RELN: variants seen among roughly 807,000 people sequenced by gnomAD.
RELN encodes the protein reelin.
RELN carries 108 observed loss-of-function variants against 427.6 expected under a neutral mutation model. That is an observed-to-expected ratio of 0.25 (90% confidence interval 0.22 to 0.30). The LOEUF is 0.30. Ranked by LOEUF, RELN falls within the 10% of genes least tolerant of loss-of-function variation. The pLI, the probability that RELN is intolerant of heterozygous loss-of-function variation, is 1.00. For missense variants in RELN, 3,715 were observed against 4,302.8 expected, an observed-to-expected ratio of 0.86 and a Z score of 3.82; for synonymous variants, 1,524 against 1,513.4, an observed-to-expected ratio of 1.01 and a Z score of -0.16.
chr7:103,918,623 C>T (rs1421048607), intron 1 of RELN, among the ~76,000 whole-genome samples: 2 of 152,082 alleles, frequency 1.3e-5, no homozygotes, highest in Non-Finnish European at 2.9e-5. Flanking sequence ...TTATGGTACT[C>T]TTAGGTGCTC....
intron 12 of RELN, 151 bp downstream of exon 12, chr7:103,661,225 G>A (rs1026182957): frequency 1.4e-5 from 12 of 839,204 alleles, no homozygotes; most frequent in Non-Finnish European, 2.3e-5. Flanking sequence ...AAACACGGGG[G>A]AGTACCACAG....
rs1833461206 is a variant in RELN at position 103,674,277 on chromosome 7, T to C, written c.1289+7839A>G. 2.0e-5 allele frequency among the ~76,000 whole-genome samples: 3 copies of C among 152,226 alleles called. No homozygotes were observed. The South Asian group carries it at 6.2e-4, about 32-fold the overall frequency. On this transcript the variant is annotated intron_variant, in intron 11 of 64. Transcript: ENST00000428762. Reference sequence around the variant, plus strand: ...ATAAAATTTGTTCTAATTTCACAAATGCAGTGTACGCCCTTATCCTGTTGA... The same window carrying C: ...ATAAAATTTGTTCTAATTTCACAAACGCAGTGTACGCCCTTATCCTGTTGA...
rs362691 is a variant in RELN, at chr7:103,610,714, G to C, written c.2989C>G (p.Leu997Val). Residue 997 changes from leucine to valine, a missense_variant, in exon 22 of 65, where the codon CTT (leucine) becomes GTT (valine). By Grantham distance (32) the Leu-to-Val change is conservative (BLOSUM62 1). Transcript: ENST00000428762. ...TCTCACCAAGTTTTCTGGGGAAGAAGCACTATGACTCTCCTCCACTGTGTA... is the reference window on the plus strand; with the variant it reads ...TCTCACCAAGTTTTCTGGGGAAGAACCACTATGACTCTCCTCCACTGTGTA... ...EFTQWRRVIV[L>V]LPQKTWSSAT... is the part of the protein sequence containing the mutation. The C allele has an allele frequency of 0.11, 174,236 of 1,581,198 alleles. 10,098 individuals carry two copies. Among genetic ancestry groups the C allele is most frequent in the South Asian group, 0.16 (14,204 of 90,342 alleles).
intron 2 of RELN, among the ~76,000 whole-genome samples, chr7:103,877,823 CCTTCTT>C (rs934480973): frequency 1.3e-5 from 2 of 151,240 alleles, no homozygotes; most frequent in Non-Finnish European, 2.9e-5. Context: ...TCCTCCTCCT[CCTTCTT>C]CTTCTTCCTT....
At chr7:103,654,039 C>A (rs1832976206) in intron 13 of RELN, 54 bp downstream of exon 13, 1 of 998,690 alleles carries the variant, frequency 1.0e-6, no homozygotes. Context: ...TTGACTTGGG[C>A]TTGTCCAGGG....
intron 20 of RELN, among the ~76,000 whole-genome samples, chr7:103,624,163 A>G (rs1164028469): frequency 6.6e-6 from 1 of 152,152 alleles, no homozygotes; most frequent in African/African-American, 2.4e-5. Context: ...TAAAATATAC[A>G]AATAATTTTT....
intron 3 of RELN, among the ~76,000 whole-genome samples, chr7:103,807,082 T>C (rs1327272259): frequency 6.6e-6 from 1 of 152,074 alleles, no homozygotes; most frequent in African/African-American, 2.4e-5. Context: ...TGAGAGGAGG[T>C]ACCGGAGCTG....
chr7:103,977,305 T>G, intron 1 of RELN, among the ~76,000 whole-genome samples: 1 of 69,702 alleles, frequency 1.4e-5, no homozygotes, highest in African/African-American at 1.2e-4. Flanking sequence ...AGTGAGACTC[T>G]GTCTCAAAAA....
chr7:103,787,202 T>C (rs975077201), intron 3 of RELN, among the ~76,000 whole-genome samples: 2 of 151,948 alleles, frequency 1.3e-5, no homozygotes, highest in African/African-American at 4.8e-5. Context: ...AAAAGCAGTG[T>C]TTAGAGGGAA....
chr7:103,640,482 C>A lies in RELN; in HGVS notation c.2069+61G>T. On this transcript the variant is annotated intron_variant, in intron 17 of 64. Coordinates refer to ENST00000428762, the MANE Select transcript of RELN (RefSeq NM_005045.4). The surrounding 1 kb of genome is among the most constrained non-coding windows in gnomAD (Gnocchi z 4.1). The stretch of plus-strand genomic sequence containing the variant: ...AAAAAGGTTATTAAATGACTTGCGA[C>A]TTCAACACATACATTACACATCAAA... The A allele has an allele frequency of 6.5e-7, 1 of 1,547,710 alleles. No individual in the cohort carries two copies. Among genetic ancestry groups the A allele is most frequent in the South Asian group, 1.1e-5 (1 of 89,746 alleles).
intron 8 of RELN, among the ~76,000 whole-genome samples, chr7:103,722,921 G>A (rs1790113540): frequency 6.6e-6 from 1 of 152,114 alleles, no homozygotes; most frequent in African/African-American, 2.4e-5. Context: ...ATTATCTGCA[G>A]TATTTTTAAT....
intron 52 of RELN, 65 bp downstream of exon 52, chr7:103,502,951 C>T (rs1562856793): frequency 7.6e-7 from 1 of 1,311,504 alleles, no homozygotes; most frequent in East Asian, 2.3e-5. Flanking sequence ...GGCATGACAA[C>T]AGTGTACCTA....
At chr7:103,761,348 T>C (rs1791293710) in intron 4 of RELN, among the ~76,000 whole-genome samples, 1 of 152,220 alleles carries the variant, frequency 6.6e-6, no homozygotes, top group African/African-American at 2.4e-5. Context: ...TCTGGGGAGA[T>C]ATCCACACAT....
intron 4 of RELN, among the ~76,000 whole-genome samples, chr7:103,774,138 A>G (rs967681769): frequency 3.9e-5 from 6 of 152,004 alleles, no homozygotes; most frequent in African/African-American, 9.7e-5. Context: ...TCTACTAAAA[A>G]TACAAAAAAT....
chr7:103,679,138 G>C (rs10248558), intron 11 of RELN, among the ~76,000 whole-genome samples: 14 of 152,134 alleles, frequency 9.2e-5, no homozygotes, highest in South Asian at 2.1e-4. Context: ...TTGGGACCAG[G>C]GGGGAGGGCG....
At chr7:103,526,481 C>A (rs554309298) in intron 46 of RELN, among the ~76,000 whole-genome samples, 1 of 152,252 alleles carries the variant, frequency 6.6e-6, no homozygotes, top group Non-Finnish European at 1.5e-5. Context: ...ATTTTTAAGG[C>A]CCCTTCTTAG....
intron 6 of RELN, among the ~76,000 whole-genome samples, chr7:103,745,395 G>A (rs201844653): frequency 0.21 from 30,653 of 148,132 alleles, 4,229 homozygotes; most frequent in African/African-American, 0.39. Flanking sequence ...TATTCAACAT[G>A]GTGTTGGAAG....
At chr7:103,575,824 G>GA in intron 28 of RELN, 119 bp from the exon 29 acceptor site, 9 of 1,095,794 alleles carry the variant, frequency 8.2e-6, no homozygotes, top group East Asian at 2.4e-5. Flanking sequence ...AGTCATGTCT[G>GA]CTTGACTGCA....
At chr7:103,873,439 C>A (rs1251976896) in intron 2 of RELN, among the ~76,000 whole-genome samples, 85 of 119,106 alleles carry the variant, frequency 7.1e-4, no homozygotes, top group Non-Finnish European at 1.1e-3. Flanking sequence ...AAAGGATCAA[C>A]AAAATTGATA....
Sources: allele counts gnomAD v4.1 joint callset (sites outside exome capture counted in the v4.1 genomes callset), GRCh38; gene constraint gnomAD v4.1.1; non-coding constraint Gnocchi (gnomAD v3.1); transcripts MANE v1.5; gene names NCBI Gene and HGNC (gene_info 2026-07-23, HGNC 2026-07-21).